TMEM201: variants seen among roughly 807,000 people sequenced by gnomAD.
TMEM201 encodes RP13-15M17.2.
A neutral mutation model predicts 63.4 loss-of-function variants in TMEM201; 26 were observed. The ratio of observed to expected loss-of-function variants is 0.41; its 90% CI spans 0.30 to 0.57. The LOEUF (loss-of-function observed/expected upper bound fraction) is 0.57, where lower values mean the gene tolerates loss of function less well. TMEM201 is among the 20% of genes least tolerant of loss of function. The probability of loss-of-function intolerance (pLI) is 0.29; values close to 1 mark genes in which losing one functional copy is unlikely to be tolerated. For missense variants in TMEM201, 794 were observed against 917.7 expected, an observed-to-expected ratio of 0.87 and a Z score of 1.74; for synonymous variants, 417 against 421.6, an observed-to-expected ratio of 0.99 and a Z score of 0.14.
In TMEM201 at chr1:9,605,467, C is replaced by T. The variant is rs574001858; in HGVS notation, c.1161-2090C>T. Among the ~76,000 whole-genome samples the T allele has an allele frequency of 2.9e-4, 44 of 152,318 alleles. No individual in the cohort carries two copies. In the East Asian group the frequency reaches 8.5e-3, roughly 29 times the overall value. On this transcript the variant is annotated intron_variant, in intron 6 of 10. Transcript: ENST00000340381. This position sits in a 1 kb window ranked among gnomAD's most constrained non-coding sequence, Gnocchi z 5.7. ...CACAGGGCAGTCGGGGGGGGTCTCT[C>T]GCCAAAGGAAATGTTAGCACCTTTG... is the stretch of plus-strand genomic sequence containing the variant.
intron 10 of TMEM201, 144 bp downstream of exon 10, chr1:9,612,034 C>T (rs749186484): frequency 7.7e-6 from 7 of 910,222 alleles, no homozygotes; most frequent in South Asian, 1.8e-5. Flanking sequence ...CCACCCGGCG[C>T]CTCTGAATCC....
rs572579343 is a variant in TMEM201, at chr1:9,607,191, C to T, written c.1161-366C>T. Among the ~76,000 whole-genome samples, 2 of 152,284 alleles carry T rather than the reference C, an allele frequency of 1.3e-5. No homozygotes were observed. The highest frequency in any genetic ancestry group is 2.1e-4 in the South Asian group (1 of 4,822). ...CAAGGAGTCCAAGTCCATTAACCTT[C>T]ATTGAGTGCCTGGCACGGGGCTGGG... is the stretch of plus-strand genomic sequence containing the variant. On this transcript the variant is annotated intron_variant, in intron 6 of 10. Transcript: ENST00000340381. The surrounding 1 kb of genome is among the most constrained non-coding windows in gnomAD (Gnocchi z 5.4).
rs1644367813 is a variant in TMEM201, at chr1:9,614,735, C to G, written c.*1652C>G. The G allele has an allele frequency of 6.6e-6, 1 of 152,246 alleles. No individual in the cohort carries two copies. Among genetic ancestry groups the G allele is most frequent in the African/African-American group, 2.4e-5 (1 of 41,464 alleles). The allele number at this position is 152,246 out of a possible 1,614,324, so 9.4% of individuals were successfully genotyped here. A position where few individuals can be genotyped will look rare whatever the true frequency, so the allele number is the denominator to read the frequency against. On this transcript the variant is annotated 3_prime_UTR_variant, in exon 11 of 11. Coordinates refer to ENST00000340381, the MANE Select transcript of TMEM201 (RefSeq NM_001130924.3). ...GCAGCCTGGCCTCTCCTGCCCAGACCTGCGGTCCCAGCATCCCCCAGAGCC... is the reference window on the plus strand; with the variant it reads ...GCAGCCTGGCCTCTCCTGCCCAGACGTGCGGTCCCAGCATCCCCCAGAGCC...
intron 1 of TMEM201, among the ~76,000 whole-genome samples, chr1:9,593,611 A>G (rs1445223532): frequency 6.6e-6 from 1 of 152,080 alleles, no homozygotes; most frequent in Non-Finnish European, 1.5e-5. Context: ...ACAGAGCAGG[A>G]GATTCAGAAT....
intron 1 of TMEM201, among the ~76,000 whole-genome samples, chr1:9,590,879 G>A (rs1443398193): frequency 6.6e-6 from 1 of 152,214 alleles, no homozygotes; most frequent in Non-Finnish European, 1.5e-5. Context: ...GTGACAGTGA[G>A]GAACCAAGCA....
Position 9,603,321 on chromosome 1 carries a change from CAGTG to C in TMEM201, c.1160+1050_1160+1053del, listed in dbSNP as rs142877284. 2.0e-6 allele frequency: 2 copies of C among 985,150 alleles called. No homozygotes were observed. Among genetic ancestry groups the C allele is most frequent in the Non-Finnish European group, 2.4e-6 (2 of 829,640 alleles). The allele number at this position is 985,150 out of a possible 1,614,324, so 61.0% of individuals were successfully genotyped here. A position where few individuals can be genotyped will look rare whatever the true frequency, so the allele number is the denominator to read the frequency against. ...TCTCCATAGCCCTTGGGTGCCAGCT[CAGTG>C]GGTGTGGGGATCACATGAGGTGGCT... On this transcript the variant is annotated intron_variant, in intron 6 of 10. Coordinates refer to ENST00000340381, the MANE Select transcript of TMEM201 (RefSeq NM_001130924.3). This position sits in a 1 kb window ranked among gnomAD's most constrained non-coding sequence, Gnocchi z 4.5.
chr1:9,601,676 G>T (rs1201371450), intron 5 of TMEM201, among the ~76,000 whole-genome samples: 1 of 152,154 alleles, frequency 6.6e-6, no homozygotes, highest in Admixed American at 6.5e-5. Context: ...GGGCTGGGCC[G>T]GGTTGCCTCC....
At position 9,608,334 on chromosome 1, in the gene TMEM201, ATG is replaced by A. The variant is rs1644275938; in HGVS notation, c.1393+550_1393+551del. ...GCTCTGGTGACATGACCTTGGGTAA[ATG>A]TGTGCACCGTGCTGTGCCCTAATCT... On this transcript the variant is annotated intron_variant, in intron 7 of 10. Coordinates refer to ENST00000340381, the MANE Select transcript of TMEM201 (RefSeq NM_001130924.3). This position sits in a 1 kb window ranked among gnomAD's most constrained non-coding sequence, Gnocchi z 4.3. Among the ~76,000 whole-genome samples the A allele has an allele frequency of 6.6e-6, 1 of 152,202 alleles. No homozygotes were observed. The highest frequency in any genetic ancestry group is 1.5e-5 in the Non-Finnish European group (1 of 68,040).
In TMEM201 at chr1:9,611,899, C is replaced by G; in HGVS notation, c.1903+9C>G. The G allele has an allele frequency of 3.9e-6, 6 of 1,538,014 alleles. No homozygotes were observed. The South Asian group carries it at 6.0e-5, about 15-fold the overall frequency. ...GGCCGCCACCTGGAGAGGTCTGTACCCTGAGGTGCGGGAGGGGAGGGGGTG... is the reference window on the plus strand; with the variant it reads ...GGCCGCCACCTGGAGAGGTCTGTACGCTGAGGTGCGGGAGGGGAGGGGGTG... On this transcript the variant is annotated intron_variant, in intron 10 of 10. Transcript: ENST00000340381.
intron 1 of TMEM201, among the ~76,000 whole-genome samples, chr1:9,594,692 C>T (rs1224215637): frequency 6.6e-6 from 1 of 152,190 alleles, no homozygotes; most frequent in Admixed American, 6.5e-5. Flanking sequence ...CCCCTCAGGC[C>T]CCTGGCCAGC....
At chr1:9,589,985 G>C (rs1643893033) in intron 1 of TMEM201, among the ~76,000 whole-genome samples, 1 of 152,224 alleles carries the variant, frequency 6.6e-6, no homozygotes, top group South Asian at 2.1e-4. Flanking sequence ...TGGTCTGTTT[G>C]TTCTTCCTTA....
rs991165851 is a variant in TMEM201, at chr1:9,610,634, C to T, written c.1594C>T (p.Arg532Trp). The change falls in exon 9 of 11, where the codon CGG becomes TGG. Residue 532 changes from arginine (R) to tryptophan (W), a missense_variant. Coordinates refer to ENST00000340381, the MANE Select transcript of TMEM201 (RefSeq NM_001130924.3). The surrounding 1 kb of genome is among the most constrained non-coding windows in gnomAD (Gnocchi z 4.9). ...CCGCAGGCCCCTCATCAGCCCTGCC[C>T]GGCTCAACCTGAAGGGACAGAAGCT... ...RHRRPLISPA[R>W]LNLKGQKLLL... The T allele has an allele frequency of 5.2e-6, 8 of 1,550,712 alleles. No individual in the cohort carries two copies. The highest frequency in any genetic ancestry group is 2.4e-5 in the South Asian group (2 of 84,066).
At position 9,588,935 on chromosome 1, in the gene TMEM201, A is replaced by G; in HGVS notation, c.5A>G (p.Glu2Gly). 1.6e-6 allele frequency: 2 copies of G among 1,280,158 alleles called. No homozygotes were observed. The highest frequency in any genetic ancestry group is 4.8e-5 in the East Asian group (1 of 20,700). 79.3% of individuals were successfully genotyped at this position (1,280,158 alleles called of 1,614,324 possible). The change falls in exon 1 of 11, where the codon GAG (glutamate) becomes GGG (glycine). Residue 2 changes from glutamate (E) to glycine (G), a missense_variant. Glu to Gly is a moderately conservative substitution (Grantham distance 98, BLOSUM62 -2). Coordinates refer to ENST00000340381, the MANE Select transcript of TMEM201 (RefSeq NM_001130924.3). ...CGTCCTTCCACGCGGAGAGCCATGG[A>G]GGGAGTGAGCGCGCTGCTGGCCCGC... M[E>G]GVSALLARCP...
chr1:9,593,690 C>T (rs1278724817), intron 1 of TMEM201, among the ~76,000 whole-genome samples: 1 of 152,236 alleles, frequency 6.6e-6, no homozygotes, highest in Non-Finnish European at 1.5e-5. Flanking sequence ...ACAGCCCCTG[C>T]TCAGCTGTCA....
chr1:9,606,993 C>A (rs565857805), intron 6 of TMEM201, among the ~76,000 whole-genome samples: 1 of 152,258 alleles, frequency 6.6e-6, no homozygotes, highest in South Asian at 2.1e-4. Context: ...AGGAGGCAGC[C>A]TTCTAAGGGC....
In TMEM201 at chr1:9,597,041, T is replaced by G. The variant is rs777853977; in HGVS notation, c.417T>G (p.Ala139=). 14 of 1,603,642 alleles carry G rather than the reference T, an allele frequency of 8.7e-6. No homozygotes were observed. In the East Asian group the frequency reaches 2.7e-4, roughly 31 times the overall value. The part of the protein sequence containing the change: ...TTKIKQLAAF[A]PREEGRYDEE... ...AGATCAAGCAGCTGGCCGCCTTCGC[T>G]CCCCGCGAGGAGGTGAGGCCGGGTT... is the stretch of plus-strand genomic sequence containing the variant. The change falls in exon 3 of 11, where the codon GCT becomes GCG. Residue 139 remains alanine (A), a synonymous_variant. Transcript: ENST00000340381.
At chr1:9,606,042 G>T (rs867195327) in intron 6 of TMEM201, among the ~76,000 whole-genome samples, 1 of 152,242 alleles carries the variant, frequency 6.6e-6, no homozygotes, top group African/African-American at 2.4e-5. Context: ...CCCATGGAGG[G>T]TCATGCCCCA....
rs1644365120 is a variant in TMEM201, at chr1:9,614,566, C to T, written c.*1483C>T. Reference sequence around the variant, plus strand: ...GTCCAGCTGCCAGCAATGGTTCCAACTCGGAGGCAGCGCCTCTTGGTCCCC... The same window carrying T: ...GTCCAGCTGCCAGCAATGGTTCCAATTCGGAGGCAGCGCCTCTTGGTCCCC... On this transcript the variant is annotated 3_prime_UTR_variant, in exon 11 of 11. Transcript: ENST00000340381. The T allele has an allele frequency of 6.6e-6, 1 of 152,152 alleles. No individual in the cohort carries two copies. Among genetic ancestry groups the T allele is most frequent in the African/African-American group, 2.4e-5 (1 of 41,436 alleles). The allele number at this position is 152,152 out of a possible 1,614,324, so 9.4% of individuals were successfully genotyped here. A position where few individuals can be genotyped will look rare whatever the true frequency, so the allele number is the denominator to read the frequency against.
chr1:9,603,444 C>G lies in TMEM201; in HGVS notation c.1160+1172C>G. The G allele has an allele frequency of 1.0e-6, 1 of 985,462 alleles. No individual in the cohort carries two copies. Among genetic ancestry groups the G allele is most frequent in the South Asian group, 4.7e-5 (1 of 21,290 alleles). 61.0% of individuals were successfully genotyped at this position (985,462 alleles called of 1,614,324 possible). Reference sequence around the variant, plus strand: ...TCCAGGGGTCCCAGTCGAGAGTGGCCCGAGGCCGTCCCTCACCGGGCATGT... The same window carrying G: ...TCCAGGGGTCCCAGTCGAGAGTGGCGCGAGGCCGTCCCTCACCGGGCATGT... On this transcript the variant is annotated intron_variant, in intron 6 of 10. Transcript: ENST00000340381. The surrounding 1 kb of genome is among the most constrained non-coding windows in gnomAD (Gnocchi z 4.5).
Sources: gnomAD v4.1 joint callset for allele counts (sites outside exome capture counted in the v4.1 genomes callset) on GRCh38, gnomAD v4.1.1 for gene constraint, Gnocchi (gnomAD v3.1) non-coding constraint, MANE v1.5 for transcripts, NCBI Gene and HGNC (gene_info 2026-07-23, HGNC 2026-07-21) for gene names.